UGT1A10: variants seen among roughly 807,000 people sequenced by gnomAD.
The protein encoded by UGT1A10 is UDP-glucuronosyltransferase 1A10.
In UGT1A10, 49 loss-of-function variants were observed where a neutral mutation model predicts 45.8. The observed-to-expected ratio is 1.07, with a 90% CI of 0.85 to 1.36. UGT1A10 has a LOEUF of 1.36. Among genes scored for constraint, UGT1A10 ranks in the 40% most tolerant of loss-of-function variants. UGT1A10 has a pLI of 0.00. For missense variants in UGT1A10, 745 were observed against 668.6 expected, an observed-to-expected ratio of 1.11 and a Z score of -1.26; for synonymous variants, 284 against 249.7, an observed-to-expected ratio of 1.14 and a Z score of -1.29.
intron 1 of UGT1A10, among the ~76,000 whole-genome samples, chr2:233,737,122 TTGTC>T (rs1485045027): frequency 6.6e-6 from 1 of 152,146 alleles, no homozygotes; most frequent in Admixed American, 6.5e-5. Context: ...TGTTCAGAAG[TTGTC>T]TGCTGCCTTT....
intron 1 of UGT1A10, chr2:233,748,175 C>G: frequency 6.3e-7 from 1 of 1,584,336 alleles, no homozygotes; most frequent in South Asian, 1.2e-5. Context: ...ACTTATCTTT[C>G]TGGTGCTTTT....
chr2:233,668,351 C>T (rs17868319), intron 1 of UGT1A10, among the ~76,000 whole-genome samples: 1,856 of 152,240 alleles, frequency 0.012, 14 homozygotes, highest in Admixed American at 0.02. Flanking sequence ...TGATGGTTTC[C>T]AGCTTCATCC....
intron 1 of UGT1A10, among the ~76,000 whole-genome samples, chr2:233,660,733 TTTTGTGGCA>T (rs2073945338): frequency 6.6e-6 from 1 of 152,178 alleles, no homozygotes; most frequent in South Asian, 2.1e-4. Context: ...TATAAATGTC[TTTTGTGGCA>T]TTTTTTTTCT....
At position 233,694,085 on chromosome 2, in the gene UGT1A10, A is replaced by G. The variant is rs1034511952; in HGVS notation, c.855+56708A>G. Among the ~76,000 whole-genome samples the G allele has an allele frequency of 7.2e-5, 11 of 152,174 alleles. No individual in the cohort carries two copies. In the East Asian group the frequency reaches 2.1e-3, roughly 29 times the overall value. ...GACAGGGCTCATGCTTGGCAAGAGT[A>G]GGAGATTTGCTTAGTTGGATAATCT... On this transcript the variant is annotated intron_variant, in intron 1 of 4. Coordinates refer to ENST00000344644, the MANE Select transcript of UGT1A10 (RefSeq NM_019075.4).
In UGT1A10 at chr2:233,671,793, A is replaced by G. The variant is rs984326169; in HGVS notation, c.855+34416A>G. On this transcript the variant is annotated intron_variant, in intron 1 of 4. Coordinates refer to ENST00000344644, the MANE Select transcript of UGT1A10 (RefSeq NM_019075.4). ...ATATTCTTGTTCTTTTGGGTAAATCATTGTCAGTGACTGATTTTTTTTTTA... is the reference window on the plus strand; with the variant it reads ...ATATTCTTGTTCTTTTGGGTAAATCGTTGTCAGTGACTGATTTTTTTTTTA... 2.8e-5 allele frequency: 39 copies of G among 1,409,916 alleles called. No individual in the cohort carries two copies. The African/African-American group carries it at 4.4e-4, about 16-fold the overall frequency. The allele number at this position is 1,409,916 out of a possible 1,614,324, so 87.3% of individuals were successfully genotyped here.
At chr2:233,765,388 A>G (rs776122608) in intron 1 of UGT1A10, among the ~76,000 whole-genome samples, 14 of 152,254 alleles carry the variant, frequency 9.2e-5, no homozygotes, top group Non-Finnish European at 1.5e-4. Flanking sequence ...TGGATAAAGA[A>G]AATGTGGTAC....
chr2:233,638,039 C>T (rs761375568), intron 1 of UGT1A10, among the ~76,000 whole-genome samples: 1 of 152,128 alleles, frequency 6.6e-6, no homozygotes, highest in African/African-American at 2.4e-5. Context: ...TCAATACTTT[C>T]CTTGCGTGAA....
rs191739325 is a variant in UGT1A10 at position 233,719,507 on chromosome 2, C to T, written c.856-47527C>T. On this transcript the variant is annotated intron_variant, in intron 1 of 4. Coordinates refer to ENST00000344644, the MANE Select transcript of UGT1A10 (RefSeq NM_019075.4). ...CCTACATTTGCCATACTTTTTCTGC[C>T]CCTTATGCAAGTCTTGCCTCTGAGC... 1.6e-4 allele frequency: 265 copies of T among 1,613,148 alleles called. 1 individual carries two copies. Among genetic ancestry groups the T allele is most frequent in the Middle Eastern group, 1.7e-4 (1 of 6,052 alleles).
chr2:233,692,498 G>C (rs2075098283), intron 1 of UGT1A10, among the ~76,000 whole-genome samples: 1 of 152,182 alleles, frequency 6.6e-6, no homozygotes, highest in Non-Finnish European at 1.5e-5. Context: ...GTAGGACTGA[G>C]CCCTTAACCT....
At chr2:233,662,046 G>A (rs147801304) in intron 1 of UGT1A10, among the ~76,000 whole-genome samples, 53 of 152,254 alleles carry the variant, frequency 3.5e-4, no homozygotes, top group Middle Eastern at 3.4e-3. Context: ...GCAACAGGGG[G>A]TGGCTATGAA....
intron 1 of UGT1A10, among the ~76,000 whole-genome samples, chr2:233,712,313 A>G (rs2076226072): frequency 6.6e-6 from 1 of 150,438 alleles, no homozygotes. Context: ...AGAATCCTCA[A>G]CAAAGCCTTT....
chr2:233,639,812 A>G (rs556691274), intron 1 of UGT1A10, among the ~76,000 whole-genome samples: 2 of 152,322 alleles, frequency 1.3e-5, no homozygotes, highest in South Asian at 2.1e-4. Context: ...AACTATATCA[A>G]TTGGTATGGT....
At chr2:233,692,142 C>G (rs1377073797) in intron 1 of UGT1A10, 1 of 152,134 alleles carries the variant, frequency 6.6e-6, no homozygotes, top group East Asian at 1.9e-4. Flanking sequence ...GTATGGAAGC[C>G]TACATAAAAA....
intron 1 of UGT1A10, among the ~76,000 whole-genome samples, chr2:233,758,252 T>G (rs1696828671): frequency 6.6e-6 from 1 of 152,196 alleles, no homozygotes; most frequent in African/African-American, 2.4e-5. Context: ...ACTATTCAGA[T>G]TAGTAAGTAT....
intron 1 of UGT1A10, among the ~76,000 whole-genome samples, chr2:233,736,048 T>A (rs909301616): frequency 6.6e-6 from 1 of 152,208 alleles, no homozygotes; most frequent in African/African-American, 2.4e-5. Context: ...TGAATTTGAA[T>A]GTTGGCCTGC....
chr2:233,740,186 C>T (rs1343042773), intron 1 of UGT1A10, among the ~76,000 whole-genome samples: 1 of 151,760 alleles, frequency 6.6e-6, no homozygotes, highest in Non-Finnish European at 1.5e-5. Flanking sequence ...TCAATTAAAC[C>T]TCTTTCTTTT....
At chr2:233,748,709 G>T (rs1302757653) in intron 1 of UGT1A10, among the ~76,000 whole-genome samples, 2 of 151,634 alleles carry the variant, frequency 1.3e-5, no homozygotes, top group East Asian at 3.9e-4. Flanking sequence ...AGGATTTGGG[G>T]TCTGGTGCAT....
intron 1 of UGT1A10, chr2:233,741,590 C>T (rs4663964): frequency 0.069 from 10,438 of 151,876 alleles, 561 homozygotes; most frequent in East Asian, 0.2. Flanking sequence ...CACCTCGGAG[C>T]ATGTTGATTT....
At chr2:233,693,048 T>C in intron 1 of UGT1A10, 1 of 1,614,120 alleles carries the variant, frequency 6.2e-7, no homozygotes, top group Non-Finnish European at 8.5e-7. Context: ...TCTGCAGGGG[T>C]TTTCTTCTTA....
Sources: allele counts gnomAD v4.1 joint callset (sites outside exome capture counted in the v4.1 genomes callset), GRCh38; gene constraint gnomAD v4.1.1; transcripts MANE v1.5; gene names NCBI Gene and HGNC (gene_info 2026-07-23, HGNC 2026-07-21).